SLC24A2: variants seen among roughly 807,000 people sequenced by gnomAD.
The protein encoded by SLC24A2 is sodium/potassium/calcium exchanger 2.
SLC24A2 carries 36 observed loss-of-function variants against 62.0 expected under a neutral mutation model. The observed-to-expected ratio is 0.58, with a 90% confidence interval of 0.44 to 0.77. SLC24A2 has a LOEUF of 0.77. Among genes scored for constraint, SLC24A2 ranks in the 30% least tolerant of loss-of-function variants. The pLI is 0.00. For synonymous variants in SLC24A2, 358 were observed against 294.0 expected, an observed-to-expected ratio of 1.22 and a Z score of -2.23; for missense variants, 846 against 817.9, an observed-to-expected ratio of 1.03 and a Z score of -0.42.
chr9:19,962,084 T>C, the SLC24A2 span, among the ~76,000 whole-genome samples: 135 of 152,362 alleles, frequency 8.9e-4, no homozygotes, highest in Non-Finnish European at 1.6e-3. Context: ...CCATCTGTGT[T>C]AGGTCAGTCA....
intron 9 of SLC24A2, among the ~76,000 whole-genome samples, chr9:19,524,137 CAAAAAAA>C (rs57173482): frequency 2.4e-5 from 2 of 84,704 alleles, no homozygotes; most frequent in East Asian, 4.4e-4. Flanking sequence ...ACTTCATTTT[CAAAAAAA>C]AAAAAAAAAA....
At chr9:19,960,109 G>GGC in the SLC24A2 span, among the ~76,000 whole-genome samples, 1 of 152,142 alleles carries the variant, frequency 6.6e-6, no homozygotes, top group African/African-American at 2.4e-5. Flanking sequence ...CAGAAGGAGT[G>GGC]GCTAGAGCAG....
chr9:20,271,163 G>T, the SLC24A2 span, among the ~76,000 whole-genome samples: 1 of 152,080 alleles, frequency 6.6e-6, no homozygotes, highest in Non-Finnish European at 1.5e-5. Flanking sequence ...ACCCACCTCA[G>T]CACCCTCTCC....
At chr9:19,662,367 G>C (rs927846565) in intron 2 of SLC24A2, among the ~76,000 whole-genome samples, 1 of 152,172 alleles carries the variant, frequency 6.6e-6, no homozygotes, top group Admixed American at 6.5e-5. Flanking sequence ...GAGTAGCCAT[G>C]TGTATTGGAT....
the SLC24A2 span, among the ~76,000 whole-genome samples, chr9:20,029,333 G>A: frequency 6.6e-6 from 1 of 152,190 alleles, no homozygotes; most frequent in African/African-American, 2.4e-5. Context: ...CCAACTTTCA[G>A]TAGGTGCTCT....
At chr9:19,961,600 C>A in the SLC24A2 span, among the ~76,000 whole-genome samples, 1 of 152,200 alleles carries the variant, frequency 6.6e-6, no homozygotes, top group Non-Finnish European at 1.5e-5. Flanking sequence ...CTAAGATGCC[C>A]CCAATACTTC....
At chr9:20,279,657 T>C in the SLC24A2 span, among the ~76,000 whole-genome samples, 11 of 152,264 alleles carry the variant, frequency 7.2e-5, no homozygotes, top group African/African-American at 2.7e-4. Flanking sequence ...AATAGTTTAC[T>C]TGACTTGCAG....
chr9:20,142,885 C>T, the SLC24A2 span, among the ~76,000 whole-genome samples: 3 of 152,198 alleles, frequency 2.0e-5, no homozygotes, highest in South Asian at 2.1e-4. Flanking sequence ...CATGAACCAC[C>T]GTGCCCGGCC....
chr9:20,282,580 C>T, the SLC24A2 span, among the ~76,000 whole-genome samples: 1 of 152,070 alleles, frequency 6.6e-6, no homozygotes, highest in East Asian at 1.9e-4. Context: ...CAGCAGCAAC[C>T]CCGCACCCCC....
chr9:19,829,793 GTGTGTA>G, the SLC24A2 span, among the ~76,000 whole-genome samples: 3 of 25,994 alleles, frequency 1.2e-4, no homozygotes, highest in East Asian at 5.2e-4. Context: ...GTGTGTGTGT[GTGTGTA>G]TATATATATA....
At chr9:19,930,426 G>C in the SLC24A2 span, among the ~76,000 whole-genome samples, 1 of 152,148 alleles carries the variant, frequency 6.6e-6, no homozygotes, top group Admixed American at 6.5e-5. Context: ...ATACAGCCTA[G>C]GTGTGTAGGT....
the SLC24A2 span, among the ~76,000 whole-genome samples, chr9:19,822,471 C>T: frequency 6.6e-6 from 1 of 152,130 alleles, no homozygotes; most frequent in African/African-American, 2.4e-5. Context: ...TGGTCTTACT[C>T]TCCCCACCGA....
rs555017754 is a variant in SLC24A2, at chr9:19,579,055, G to A, written c.1130-2033C>T. Among the ~76,000 whole-genome samples the A allele has an allele frequency of 2.0e-3, 302 of 152,264 alleles. 1 individual carries two copies. Among genetic ancestry groups the A allele is most frequent in the African/African-American group, 6.8e-3 (281 of 41,534 alleles). Reference sequence around the variant, plus strand: ...GAAAGAAGGATGAGGTGATAGGCACGACTCCATCCATGAGGAATGTTGAAG... The same window carrying A: ...GAAAGAAGGATGAGGTGATAGGCACAACTCCATCCATGAGGAATGTTGAAG... On this transcript the variant is annotated intron_variant, in intron 5 of 10. Coordinates refer to ENST00000341998, the MANE Select transcript of SLC24A2 (RefSeq NM_020344.4).
chr9:20,047,710 T>C, the SLC24A2 span, among the ~76,000 whole-genome samples: 2 of 149,724 alleles, frequency 1.3e-5, no homozygotes, highest in South Asian at 2.2e-4. Context: ...CTGGGGTCTC[T>C]TCAATAAAGA....
At chr9:20,253,799 AC>A in the SLC24A2 span, among the ~76,000 whole-genome samples, 1 of 152,148 alleles carries the variant, frequency 6.6e-6, no homozygotes. Flanking sequence ...CAGTCAGTTC[AC>A]GGGGGGTCAG....
the SLC24A2 span, among the ~76,000 whole-genome samples, chr9:20,243,860 A>G: frequency 3.3e-5 from 5 of 152,110 alleles, no homozygotes; most frequent in Admixed American, 6.5e-5. Flanking sequence ...CAGTGTGACA[A>G]TCAAGGCCTG....
chr9:20,163,331 C>T, the SLC24A2 span, among the ~76,000 whole-genome samples: 2 of 152,004 alleles, frequency 1.3e-5, no homozygotes, highest in African/African-American at 2.4e-5. Flanking sequence ...TTCTTATATA[C>T]CAATAACAGA....
At chr9:20,303,945 G>A in the SLC24A2 span, among the ~76,000 whole-genome samples, 1 of 152,164 alleles carries the variant, frequency 6.6e-6, no homozygotes, top group Non-Finnish European at 1.5e-5. Flanking sequence ...TGGGAAGAAA[G>A]TACCTTCAGC....
chr9:19,615,478 G>T (rs1817743726), intron 4 of SLC24A2, among the ~76,000 whole-genome samples: 1 of 152,222 alleles, frequency 6.6e-6, no homozygotes, highest in South Asian at 2.1e-4. Context: ...TCTGAGAGCT[G>T]TGGGTTAATT....
Sources: gnomAD v4.1 joint callset for allele counts (sites outside exome capture counted in the v4.1 genomes callset) on GRCh38, gnomAD v4.1.1 for gene constraint, MANE v1.5 for transcripts, NCBI Gene and HGNC (gene_info 2026-07-23, HGNC 2026-07-21) for gene names.